STAB2: variants seen among roughly 807,000 people sequenced by gnomAD.
STAB2 encodes stabilin-2.
In STAB2, 288 loss-of-function variants were observed where a neutral mutation model predicts 338.1. That is an observed-to-expected ratio of 0.85 (90% CI 0.77 to 0.94). The LOEUF (loss-of-function observed/expected upper bound fraction) is 0.94, where lower values mean the gene tolerates loss of function less well. STAB2 is among the 40% of genes least tolerant of loss of function. STAB2 has a pLI of 0.00. For missense variants in STAB2, 3,141 were observed against 3,210.1 expected (o/e 0.98, Z 0.52); for synonymous variants, 1,202 against 1,193.3 (o/e 1.01, Z -0.15).
rs1881293287 is a variant in STAB2 at position 103,727,366 on chromosome 12, T to C, written c.4935+16T>C. On this transcript the variant is annotated intron_variant, in intron 47 of 68. Transcript: ENST00000388887. ...GGAAGCTCGGGTGAGCATGAGACTG[T>C]GGGCAGAAGGGGGAGGTCTGCGGCT... 6.2e-7 allele frequency: 1 copy of C among 1,614,062 alleles called. No homozygotes were observed. The highest frequency in any genetic ancestry group is 8.5e-7 in the Non-Finnish European group (1 of 1,179,908).
At chr12:103,720,998 A>G (rs1301235809) in intron 44 of STAB2, among the ~76,000 whole-genome samples, 1 of 152,228 alleles carries the variant, frequency 6.6e-6, no homozygotes, top group Non-Finnish European at 1.5e-5. Flanking sequence ...CACATCTCAT[A>G]GAATAGTGTG....
intron 31 of STAB2, 33 bp from the exon 32 acceptor site, chr12:103,695,517 A>G: frequency 1.9e-6 from 3 of 1,611,212 alleles, no homozygotes; most frequent in Non-Finnish European, 2.5e-6. Flanking sequence ...CTACCAAAAC[A>G]TGCTAACAGG....
Position 103,668,740 on chromosome 12 carries a change from C to T in STAB2, c.2172+11C>T, listed in dbSNP as rs1007059753. 3.2e-5 allele frequency: 49 copies of T among 1,535,268 alleles called. No individual in the cohort carries two copies. The East Asian group carries it at 3.2e-4, about 10-fold the overall frequency. On this transcript the variant is annotated intron_variant, in intron 20 of 68. Coordinates refer to ENST00000388887, the MANE Select transcript of STAB2 (RefSeq NM_017564.10). ...AATGCCACTGTGAAGGTGAGGAGCGCGTGGCCGAGGCCCAGTCTAGGCCAG... is the reference window on the plus strand; with the variant it reads ...AATGCCACTGTGAAGGTGAGGAGCGTGTGGCCGAGGCCCAGTCTAGGCCAG...
intron 42 of STAB2, among the ~76,000 whole-genome samples, chr12:103,715,141 G>A (rs760652892): frequency 3.3e-5 from 5 of 152,032 alleles, no homozygotes; most frequent in African/African-American, 4.8e-5. Context: ...TTTGGGGTTT[G>A]CCTGATGTTT....
intron 44 of STAB2, among the ~76,000 whole-genome samples, chr12:103,723,797 G>T (rs1880961766): frequency 6.6e-6 from 1 of 152,168 alleles, no homozygotes; most frequent in African/African-American, 2.4e-5. Flanking sequence ...GGGACTGAGT[G>T]GGTGGGCAGG....
At chr12:103,638,272 C>A in intron 8 of STAB2, 60 bp downstream of exon 8, 1 of 1,541,344 alleles carries the variant, frequency 6.5e-7, no homozygotes. Context: ...CTATGTGTCA[C>A]AGGTATCATT....
intron 3 of STAB2, among the ~76,000 whole-genome samples, chr12:103,620,142 C>T (rs12310882): frequency 0.026 from 3,948 of 152,254 alleles, 168 homozygotes; most frequent in African/African-American, 0.09. Context: ...CTCTCTGAAA[C>T]TGTCTTTTCA....
chr12:103,655,554 C>T lies in STAB2; in HGVS notation c.1707C>T (p.Gly569=), dbSNP rs1874117892. The change falls in exon 15 of 69, where the codon GGC becomes GGT. Residue 569 remains glycine, a synonymous_variant. Transcript: ENST00000388887. ...AAGCATTGAATAACATGAAGGACGG[C>T]ACTCTCGATTACCTCCTTTCTCCAG... ...NNEALNNMKD[G]TLDYLLSPEG... is the part of the protein sequence containing the mutation. The T allele has an allele frequency of 2.5e-6, 4 of 1,613,906 alleles. No individual in the cohort carries two copies. Among genetic ancestry groups the T allele is most frequent in the South Asian group, 2.2e-5 (2 of 91,058 alleles).
chr12:103,696,854 G>A (rs955203152), intron 33 of STAB2, among the ~76,000 whole-genome samples: 3 of 152,098 alleles, frequency 2.0e-5, no homozygotes, highest in African/African-American at 7.2e-5. Flanking sequence ...GTAATTCCAG[G>A]GGTATGCATA....
intron 33 of STAB2, among the ~76,000 whole-genome samples, chr12:103,698,595 G>A (rs998980972): frequency 1.3e-5 from 2 of 151,974 alleles, no homozygotes; most frequent in Non-Finnish European, 2.9e-5. Context: ...AGTGCAAATC[G>A]GTCCCACGCA....
intron 25 of STAB2, among the ~76,000 whole-genome samples, chr12:103,678,548 A>G (rs779132640): frequency 3.9e-5 from 6 of 152,050 alleles, no homozygotes; most frequent in Non-Finnish European, 4.4e-5. Context: ...ATTTTTTGAG[A>G]TGGAGTCTCG....
chr12:103,669,837 T>C lies in STAB2; in HGVS notation c.2259+210T>C, dbSNP rs116485668. ...GATTCCGGTAATGTTGCCTCTAGTCTGCTTCTCTATTGCGGGCTGCAGGAC... is the reference window on the plus strand; with the variant it reads ...GATTCCGGTAATGTTGCCTCTAGTCCGCTTCTCTATTGCGGGCTGCAGGAC... On this transcript the variant is annotated intron_variant, in intron 21 of 68. Transcript: ENST00000388887. Among the ~76,000 whole-genome samples, 1,249 of 152,304 alleles carry C rather than the reference T, an allele frequency of 8.2e-3. 18 individuals are homozygous for C. The highest frequency in any genetic ancestry group is 0.028 in the African/African-American group (1,158 of 41,550).
chr12:103,738,776 C>A (rs1882349028), intron 53 of STAB2, among the ~76,000 whole-genome samples: 2 of 152,076 alleles, frequency 1.3e-5, no homozygotes, highest in South Asian at 4.1e-4. Flanking sequence ...AAAAGTATAC[C>A]ATTTAACTTA....
chr12:103,702,520 C>G (rs1299793754), intron 34 of STAB2, among the ~76,000 whole-genome samples: 1 of 151,768 alleles, frequency 6.6e-6, no homozygotes, highest in Non-Finnish European at 1.5e-5. Flanking sequence ...AGGATGGTCT[C>G]GATCTCCTGA....
intron 15 of STAB2, among the ~76,000 whole-genome samples, chr12:103,658,579 G>T (rs1024653328): frequency 3.3e-5 from 5 of 152,074 alleles, no homozygotes; most frequent in Non-Finnish European, 7.4e-5. Flanking sequence ...AGACTGGAAG[G>T]AATCCATACC....
intron 18 of STAB2, among the ~76,000 whole-genome samples, chr12:103,665,357 A>G (rs1874987198): frequency 6.6e-6 from 1 of 152,208 alleles, no homozygotes; most frequent in South Asian, 2.1e-4. Context: ...GGTCTCTGCA[A>G]GAAACAGAAT....
intron 3 of STAB2, among the ~76,000 whole-genome samples, chr12:103,595,532 G>A (rs982746894): frequency 4.6e-5 from 7 of 152,032 alleles, no homozygotes; most frequent in African/African-American, 1.7e-4. Context: ...CATACTGTAT[G>A]TATAATGTCT....
At chr12:103,719,007 C>A (rs1361037553) in intron 44 of STAB2, among the ~76,000 whole-genome samples, 1 of 152,196 alleles carries the variant, frequency 6.6e-6, no homozygotes, top group African/African-American at 2.4e-5. Flanking sequence ...TTCTGATTTT[C>A]TTATAACCCT....
chr12:103,753,353 G>C lies in STAB2; in HGVS notation c.6714G>C (p.Lys2238Asn). The change falls in exon 61 of 69, where the codon AAG becomes AAC. Residue 2238 changes from lysine to asparagine, a missense_variant and splice_region_variant. Coordinates refer to ENST00000388887, the MANE Select transcript of STAB2 (RefSeq NM_017564.10). ...ACAACCAGCTCTCCTATGCCCAGAA[G>C]GTGGGTCTTCAGTTAGCAGATTCTG... ...ATYNQLSYAQ[K>N]AKYHLCSAGW... The C allele has an allele frequency of 6.2e-7, 1 of 1,614,238 alleles. No homozygotes were observed. Among genetic ancestry groups the C allele is most frequent in the Non-Finnish European group, 8.5e-7 (1 of 1,180,024 alleles).
Sources: gnomAD v4.1 joint callset for allele counts (sites outside exome capture counted in the v4.1 genomes callset) on GRCh38, gnomAD v4.1.1 for gene constraint, MANE v1.5 for transcripts, NCBI Gene and HGNC (gene_info 2026-07-23, HGNC 2026-07-21) for gene names.